AQP11: variants seen among roughly 807,000 people sequenced by gnomAD.
AQP11 encodes aquaporin 11.
Under a neutral mutation model 21.1 loss-of-function variants are expected in AQP11, and 20 were observed. The observed-to-expected ratio is 0.95, with a 90% CI of 0.67 to 1.38. The LOEUF (loss-of-function observed/expected upper bound fraction) is 1.38, where lower values mean the gene tolerates loss of function less well. Among genes scored for constraint, AQP11 ranks in the 40% most tolerant of loss-of-function variants. AQP11 has a pLI of 0.00. For missense variants in AQP11, 339 were observed against 340.4 expected (o/e 1.00, Z 0.03); for synonymous variants, 167 against 150.1 (o/e 1.11, Z -0.82).
intron 2 of AQP11, among the ~76,000 whole-genome samples, chr11:77,606,807 C>A (rs1958849315): frequency 6.6e-6 from 1 of 152,172 alleles, no homozygotes; most frequent in Non-Finnish European, 1.5e-5. Context: ...GTTGCTCAGG[C>A]TGGTCTCGAA....
chr11:77,602,275 C>T (rs1958819789), intron 1 of AQP11, among the ~76,000 whole-genome samples: 1 of 152,016 alleles, frequency 6.6e-6, no homozygotes, highest in South Asian at 2.1e-4. Context: ...TCAATACATG[C>T]CTAAAAGTCA....
Position 77,603,628 on chromosome 11 carries a change from C to T in AQP11, c.692C>T (p.Ala231Val). 1 of 1,608,658 alleles carries T rather than the reference C, an allele frequency of 6.2e-7. No homozygotes were observed. Among genetic ancestry groups the T allele is most frequent in the Non-Finnish European group, 8.5e-7 (1 of 1,177,952 alleles). Reference protein sequence around the residue: ...LSLHFMCFDEAFPQFFIVYWL... With the variant: ...LSLHFMCFDEVFPQFFIVYWL... Reference sequence around the variant, plus strand: ...CTACATTTCATGTGTTTTGATGAAGCATTCCCTCAGTTTTTTATAGTATAC... The same window carrying T: ...CTACATTTCATGTGTTTTGATGAAGTATTCCCTCAGTTTTTTATAGTATAC... The change falls in exon 2 of 3, where the codon GCA becomes GTA. Residue 231 changes from alanine (A) to valine (V), a missense_variant. Ala to Val is a moderately conservative substitution (Grantham distance 64). Transcript: ENST00000313578.
intron 1 of AQP11, among the ~76,000 whole-genome samples, chr11:77,595,255 C>T (rs897472535): frequency 1.3e-5 from 2 of 152,044 alleles, no homozygotes; most frequent in Non-Finnish European, 2.9e-5. Context: ...ACAGGAGAAT[C>T]GCTTGAACCT....
chr11:77,596,695 CA>C (rs532413868), intron 1 of AQP11, among the ~76,000 whole-genome samples: 9 of 150,744 alleles, frequency 6.0e-5, no homozygotes, highest in Non-Finnish European at 8.9e-5. Context: ...CCTGTCTCTA[CA>C]AAAAAATTTT....
intron 1 of AQP11, among the ~76,000 whole-genome samples, chr11:77,594,077 C>A (rs962900105): frequency 2.0e-5 from 3 of 152,076 alleles, no homozygotes; most frequent in Admixed American, 6.6e-5. Flanking sequence ...GGAATGGGGA[C>A]TTATTGTTTA....
At chr11:77,597,694 C>A (rs377172909) in intron 1 of AQP11, among the ~76,000 whole-genome samples, 2 of 152,088 alleles carry the variant, frequency 1.3e-5, no homozygotes, top group African/African-American at 2.4e-5. Context: ...CAGTAATGTC[C>A]GGGAGTAGAG....
At chr11:77,597,890 A>C (rs112817105) in intron 1 of AQP11, among the ~76,000 whole-genome samples, 3 of 151,776 alleles carry the variant, frequency 2.0e-5, no homozygotes, top group African/African-American at 7.3e-5. Flanking sequence ...AGTAGCTGGG[A>C]TCATAGGCGC....
intron 1 of AQP11, among the ~76,000 whole-genome samples, chr11:77,594,752 A>G (rs900855781): frequency 1.3e-5 from 2 of 152,206 alleles, no homozygotes; most frequent in Non-Finnish European, 2.9e-5. Context: ...CCAGCAACAT[A>G]GCCACAGGCT....
intron 1 of AQP11, among the ~76,000 whole-genome samples, chr11:77,596,461 T>A (rs1289419621): frequency 4.3e-5 from 6 of 140,628 alleles, no homozygotes; most frequent in African/African-American, 1.6e-4. Flanking sequence ...AAAAAATATA[T>A]ATATATATGT....
chr11:77,594,956 C>A (rs960853636), intron 1 of AQP11, among the ~76,000 whole-genome samples: 9 of 151,860 alleles, frequency 5.9e-5, no homozygotes, highest in African/African-American at 2.2e-4. Flanking sequence ...AGATTTCAAG[C>A]AAATCTTCCT....
intron 1 of AQP11, 136 bp downstream of exon 1, chr11:77,590,747 T>C (rs1958742978): frequency 1.3e-6 from 2 of 1,490,080 alleles, no homozygotes; most frequent in Non-Finnish European, 8.9e-7. Flanking sequence ...TTCTAACCAT[T>C]TTGCAGCCCG....
chr11:77,608,592 G>A (rs1038584075), intron 2 of AQP11, among the ~76,000 whole-genome samples: 6 of 152,128 alleles, frequency 3.9e-5, no homozygotes, highest in Non-Finnish European at 7.4e-5. Flanking sequence ...CAGCCTGGGC[G>A]AAAGAGCAAA....
intron 1 of AQP11, among the ~76,000 whole-genome samples, chr11:77,591,981 G>C (rs1958751021): frequency 6.7e-6 from 1 of 150,102 alleles, no homozygotes; most frequent in African/African-American, 2.5e-5. Flanking sequence ...GAAGAGTGAA[G>C]GGGGCCGGGC....
At position 77,590,292 on chromosome 11, in the gene AQP11, G is replaced by A. The variant is rs758351519; in HGVS notation, c.300G>A (p.Pro100=). 1 of 1,605,582 alleles carries A rather than the reference G, an allele frequency of 6.2e-7. No homozygotes were observed. Among genetic ancestry groups the A allele is most frequent in the Non-Finnish European group, 8.5e-7 (1 of 1,174,522 alleles). Residue 100 remains proline, a synonymous_variant, in exon 1 of 3, where the codon CCG becomes CCA. Transcript: ENST00000313578. ...GLTLVGTSSN[P]CGVMMQMMLG... ...CTCTGGTGGGCACGTCCAGCAACCC[G>A]TGCGGCGTGATGATGCAGATGATGC...
chr11:77,600,952 C>T (rs1164169445), intron 1 of AQP11, among the ~76,000 whole-genome samples: 2 of 150,188 alleles, frequency 1.3e-5, no homozygotes, highest in Non-Finnish European at 2.9e-5. Context: ...GTGGAGCTTG[C>T]AGTGAGCCGA....
chr11:77,593,163 G>A (rs1958758430), intron 1 of AQP11, among the ~76,000 whole-genome samples: 1 of 152,172 alleles, frequency 6.6e-6, no homozygotes. Flanking sequence ...CTGTTTGCAT[G>A]GGTAGAACAA....
intron 1 of AQP11, among the ~76,000 whole-genome samples, chr11:77,596,998 C>G (rs1466872160): frequency 6.6e-6 from 1 of 152,086 alleles, no homozygotes; most frequent in East Asian, 1.9e-4. Flanking sequence ...ACCTGCCATA[C>G]ACGAAGTACT....
chr11:77,599,252 G>A (rs201577970), intron 1 of AQP11, among the ~76,000 whole-genome samples: 36 of 151,800 alleles, frequency 2.4e-4, no homozygotes, highest in East Asian at 2.1e-3. Flanking sequence ...CACCACAGCC[G>A]GCTAATTTTT....
At position 77,590,397 on chromosome 11, in the gene AQP11, A is replaced by G. The variant is rs973806765; in HGVS notation, c.405A>G (p.Thr135=). ...GTGCCCTGTGCAGCAGGTACTGCAC[A>G]AGCGCCTTGTGGAGCTTGGGTCTGA... The part of the protein sequence containing the change: ...LVSALCSRYC[T]SALWSLGLTQ... The change falls in exon 1 of 3, where the codon ACA becomes ACG. Residue 135 remains threonine, a synonymous_variant. Transcript: ENST00000313578. 1.5e-5 allele frequency: 25 copies of G among 1,613,868 alleles called. No homozygotes were observed. The highest frequency in any genetic ancestry group is 2.1e-5 in the Non-Finnish European group (25 of 1,180,002).
Sources: gnomAD v4.1 joint callset for allele counts (sites outside exome capture counted in the v4.1 genomes callset) on GRCh38, gnomAD v4.1.1 for gene constraint, MANE v1.5 for transcripts, NCBI Gene and HGNC (gene_info 2026-07-23, HGNC 2026-07-21) for gene names.